The following PMFBP1 variants were observed in gnomAD, a reference collection of about 807,000 sequenced individuals.
PMFBP1 encodes polyamine modulated factor 1 binding protein 1.
A neutral mutation model predicts 137.8 loss-of-function variants in PMFBP1; 131 were observed. The observed-to-expected ratio is 0.95, with a 90% CI of 0.82 to 1.10. PMFBP1 has a LOEUF of 1.10. Among genes scored for constraint, PMFBP1 ranks in the 50% least tolerant of loss-of-function variants. The pLI is 0.00. For synonymous variants in PMFBP1, 490 were observed against 450.4 expected, an observed-to-expected ratio of 1.09 and a Z score of -1.11; for missense variants, 1,199 against 1,175.4, an observed-to-expected ratio of 1.02 and a Z score of -0.29.
At chr16:72,185,099 C>T in the PMFBP1 span, among the ~76,000 whole-genome samples, 1 of 151,888 alleles carries the variant, frequency 6.6e-6, no homozygotes, top group Non-Finnish European at 1.5e-5. Flanking sequence ...TCTTGGCTCA[C>T]TGCAACCTCT....
chr16:72,183,459 C>T, the PMFBP1 span, among the ~76,000 whole-genome samples: 1 of 152,132 alleles, frequency 6.6e-6, no homozygotes, highest in Non-Finnish European at 1.5e-5. Flanking sequence ...GGCTTGTAGA[C>T]TCATCATCCC....
Position 72,136,598 on chromosome 16 carries a change from C to T in PMFBP1, c.1053G>A (p.Met351Ile). The change falls in exon 9 of 21, where the codon ATG becomes ATA. Residue 351 changes from methionine to isoleucine, a missense_variant. Transcript: ENST00000237353. ...EQKRNIMKDM[M>I]KLELDLHGLR... ...GTCCGTGCAGGTCCAGCTCCAGCTT[C>T]ATCATGTCTACCATGGGGCGGGACA... 1.2e-6 allele frequency: 2 copies of T among 1,614,088 alleles called. No individual in the cohort carries two copies. Among genetic ancestry groups the T allele is most frequent in the Non-Finnish European group, 1.7e-6 (2 of 1,180,008 alleles).
intron 19 of PMFBP1, 69 bp downstream of exon 19, chr16:72,122,845 G>T: frequency 1.4e-6 from 2 of 1,471,614 alleles, no homozygotes; most frequent in Non-Finnish European, 9.4e-7. Flanking sequence ...GCTAAAGCCA[G>T]CCCTGGCTCC....
upstream of PMFBP1, chr16:72,174,070 C>T (rs2043244782): frequency 6.6e-6 from 1 of 152,164 alleles, no homozygotes; most frequent in Admixed American, 6.5e-5. Flanking sequence ...GACAGCTGTG[C>T]CTAAAGAAAT....
chr16:72,145,806 T>A (rs984988201), intron 5 of PMFBP1, among the ~76,000 whole-genome samples: 1 of 152,146 alleles, frequency 6.6e-6, no homozygotes, highest in African/African-American at 2.4e-5. Flanking sequence ...CCTCGACACA[T>A]ACACCCTCCC....
At chr16:72,230,771 G>C in the PMFBP1 span, among the ~76,000 whole-genome samples, 1 of 152,082 alleles carries the variant, frequency 6.6e-6, no homozygotes. Context: ...TCGCTACCTT[G>C]GATCAGCTCT....
At chr16:72,162,244 G>T (rs1215117812) in intron 3 of PMFBP1, among the ~76,000 whole-genome samples, 1 of 152,198 alleles carries the variant, frequency 6.6e-6, no homozygotes, top group Admixed American at 6.5e-5. Flanking sequence ...ATGCAGGTTG[G>T]CACCTGAAGA....
the PMFBP1 span, among the ~76,000 whole-genome samples, chr16:72,214,996 G>T: frequency 6.6e-6 from 1 of 152,126 alleles, no homozygotes; most frequent in Non-Finnish European, 1.5e-5. Context: ...TACCTTCAGT[G>T]GTGGGTGAAA....
the PMFBP1 span, among the ~76,000 whole-genome samples, chr16:72,247,236 T>C: frequency 6.6e-6 from 1 of 152,242 alleles, no homozygotes; most frequent in Non-Finnish European, 1.5e-5. Flanking sequence ...TGTAGTTAAG[T>C]GTGCTTAAAT....
the PMFBP1 span, among the ~76,000 whole-genome samples, chr16:72,219,942 C>T: frequency 3.9e-5 from 6 of 152,124 alleles, no homozygotes; most frequent in African/African-American, 1.2e-4. Context: ...TTCAGTTTAA[C>T]TGAAACATTA....
the PMFBP1 span, among the ~76,000 whole-genome samples, chr16:72,220,129 T>C: frequency 6.6e-6 from 1 of 152,236 alleles, no homozygotes; most frequent in Non-Finnish European, 1.5e-5. Flanking sequence ...CTTGGAAATA[T>C]ATATCAAGAG....
intron 2 of PMFBP1, among the ~76,000 whole-genome samples, chr16:72,166,455 C>G (rs1306653559): frequency 2.0e-5 from 3 of 152,182 alleles, no homozygotes. Context: ...ATTACTCAGT[C>G]TCCAGTAGTT....
chr16:72,171,157 A>C, intron 2 of PMFBP1, 40 bp downstream of exon 2: 1 of 1,605,168 alleles, frequency 6.2e-7, no homozygotes. Flanking sequence ...CTTGTAATGA[A>C]TATTCAACTC....
Position 72,125,052 on chromosome 16 carries a change from C to A in PMFBP1, c.2422-118G>T. 2.2e-6 allele frequency: 3 copies of A among 1,393,400 alleles called. No individual in the cohort carries two copies. In the East Asian group the frequency reaches 6.9e-5, roughly 32 times the overall value. The allele number at this position is 1,393,400 out of a possible 1,614,324, so 86.3% of individuals were successfully genotyped here. On this transcript the variant is annotated intron_variant, in intron 16 of 20. Coordinates refer to ENST00000237353, the MANE Select transcript of PMFBP1 (RefSeq NM_031293.3). Reference sequence around the variant, plus strand: ...ATACGTGTTGGGGGTATTTTCTTCTCAGTGGCCAGCAGAGGGCACCCATGC... The same window carrying A: ...ATACGTGTTGGGGGTATTTTCTTCTAAGTGGCCAGCAGAGGGCACCCATGC...
chr16:72,127,604 G>A (rs1370145393), intron 14 of PMFBP1, among the ~76,000 whole-genome samples: 2 of 152,170 alleles, frequency 1.3e-5, no homozygotes, highest in Non-Finnish European at 2.9e-5. Flanking sequence ...GTTTAGCTTG[G>A]AGAAAGATTC....
At chr16:72,225,714 TAATAATAATAATAATAATA>T in the PMFBP1 span, among the ~76,000 whole-genome samples, 3 of 143,296 alleles carry the variant, frequency 2.1e-5, no homozygotes, top group Non-Finnish European at 4.6e-5. Context: ...CTGTTTATAA[TAATAATAATAATAATAATA>T]ATAATAATAA....
At chr16:72,178,579 A>T (rs1026694672), upstream of PMFBP1, among the ~76,000 whole-genome samples, 73 of 152,324 alleles carry the variant, frequency 4.8e-4, 2 homozygotes, top group Admixed American at 4.2e-3. Context: ...TATTGTTTAC[A>T]TCACTATGAA....
Position 72,123,130 on chromosome 16 carries a change from G to C in PMFBP1, c.2694-142C>G. The C allele has an allele frequency of 8.5e-6, 6 of 704,196 alleles. No homozygotes were observed. The South Asian group carries it at 1.1e-4, about 13-fold the overall frequency. 43.6% of individuals were successfully genotyped at this position (704,196 alleles called of 1,614,324 possible). On this transcript the variant is annotated intron_variant, in intron 18 of 20. Coordinates refer to ENST00000237353, the MANE Select transcript of PMFBP1 (RefSeq NM_031293.3). Reference sequence around the variant, plus strand: ...CCCCACGCATCACCCCGTCCGCAGAGCTAAGGCCTTCCTAGCACCTGGGGA... The same window carrying C: ...CCCCACGCATCACCCCGTCCGCAGACCTAAGGCCTTCCTAGCACCTGGGGA...
Position 72,151,058 on chromosome 16 carries a change from C to T in PMFBP1, c.415-229G>A, listed in dbSNP as rs1359715014. Among the ~76,000 whole-genome samples the T allele has an allele frequency of 3.9e-5, 6 of 152,224 alleles. No individual in the cohort carries two copies. In the East Asian group the frequency reaches 1.2e-3, roughly 29 times the overall value. The stretch of plus-strand genomic sequence containing the variant: ...GAGGTAAGCTCCTTCAAGGCAGGAT[C>T]ATATCCATTTCCCATTCTGCCCAGC... On this transcript the variant is annotated intron_variant, in intron 4 of 20. Coordinates refer to ENST00000237353, the MANE Select transcript of PMFBP1 (RefSeq NM_031293.3).
Sources: allele counts gnomAD v4.1 joint callset (sites outside exome capture counted in the v4.1 genomes callset), GRCh38; gene constraint gnomAD v4.1.1; transcripts MANE v1.5; gene names NCBI Gene and HGNC (gene_info 2026-07-23, HGNC 2026-07-21).